Variants in CDKN1B observed in about 807,000 individuals in gnomAD.
CDKN1B encodes the protein cyclin-dependent kinase inhibitor 1B.
CDKN1B carries 7 observed loss-of-function variants against 17.1 expected under a neutral mutation model. That is an observed-to-expected ratio of 0.41 (90% CI 0.23 to 0.77). CDKN1B has a LOEUF of 0.77. Among genes scored for constraint, CDKN1B ranks in the 30% least tolerant of loss-of-function variants. The pLI, the probability that CDKN1B is intolerant of heterozygous loss-of-function variation, is 0.33. For missense variants in CDKN1B, 337 were observed against 262.0 expected (o/e 1.29, Z -1.98); for synonymous variants, 149 against 104.3 (o/e 1.43, Z -2.61).
At chr12:12,719,049 T>A (rs374454092) in intron 2 of CDKN1B, 95 bp downstream of exon 2, 1 of 1,529,406 alleles carries the variant, frequency 6.5e-7, no homozygotes, top group Non-Finnish European at 9.0e-7. Flanking sequence ...TAAAAGCTTA[T>A]GGGGTTTTGT....
In CDKN1B at chr12:12,722,168, A is replaced by C. The variant is rs2136359695; in HGVS notation, c.*1141A>C. ...TGTTAAAAGATTTTTTTTAATCTAG[A>C]CAATATACAAGCCAAAGTGGCATGT... On this transcript the variant is annotated 3_prime_UTR_variant, in exon 3 of 3. Transcript: ENST00000228872. The C allele has an allele frequency of 6.5e-6, 1 of 152,772 alleles. No homozygotes were observed. The highest frequency in any genetic ancestry group is 2.4e-5 in the African/African-American group (1 of 41,586). 9.5% of individuals were successfully genotyped at this position (152,772 alleles called of 1,614,324 possible). A position where few individuals can be genotyped will look rare whatever the true frequency, so the allele number is the denominator to read the frequency against.
Position 12,717,575 on chromosome 12 carries a change from G to T in CDKN1B, c.-265G>T. Reference sequence around the variant, plus strand: ...TCGGACGGGCTTTGCCACCCTCTCCGCTTGCCTGGTCCCCTCTCCTCTCCG... The same window carrying T: ...TCGGACGGGCTTTGCCACCCTCTCCTCTTGCCTGGTCCCCTCTCCTCTCCG... On this transcript the variant is annotated 5_prime_UTR_variant, in exon 1 of 3. Coordinates refer to ENST00000228872, the MANE Select transcript of CDKN1B (RefSeq NM_004064.5). 7.0e-7 allele frequency: 1 copy of T among 1,419,064 alleles called. No homozygotes were observed. Among genetic ancestry groups the T allele is most frequent in the Non-Finnish European group, 9.2e-7 (1 of 1,090,284 alleles). 87.9% of individuals were successfully genotyped at this position (1,419,064 alleles called of 1,614,324 possible). A position where few individuals can be genotyped will look rare whatever the true frequency, so the allele number is the denominator to read the frequency against.
intron 2 of CDKN1B, among the ~76,000 whole-genome samples, chr12:12,720,230 G>A (rs1946528814): frequency 1.3e-5 from 2 of 152,184 alleles, no homozygotes; most frequent in African/African-American, 4.8e-5. Context: ...TAGCTCATCA[G>A]ATGAGCCACG....
Position 12,717,442 on chromosome 12 carries a change from T to G in CDKN1B, c.-398T>G. 6 of 1,258,204 alleles carry G rather than the reference T, an allele frequency of 4.8e-6. No individual in the cohort carries two copies. The highest frequency in any genetic ancestry group is 6.0e-6 in the Non-Finnish European group (6 of 995,728). The allele number at this position is 1,258,204 out of a possible 1,614,324, so 77.9% of individuals were successfully genotyped here. A position where few individuals can be genotyped will look rare whatever the true frequency, so the allele number is the denominator to read the frequency against. On this transcript the variant is annotated 5_prime_UTR_variant, in exon 1 of 3. Transcript: ENST00000228872. ...GGGGCTCGTCTTTTCGGGGTGTTTT[T>G]CTCCCCCTCCCCTGTCCCCGCTTGC...
At position 12,717,750 on chromosome 12, in the gene CDKN1B, G is replaced by GA. The variant is rs1340199471; in HGVS notation, c.-90_-89insA. ...GAGGGCAGTCGCTGGGCTTCCGAGA[G>GA]GGGTTCGGGCTGCGTAGGGGCGCTT... On this transcript the variant is annotated 5_prime_UTR_variant, in exon 1 of 3. Transcript: ENST00000228872. 6.3e-7 allele frequency: 1 copy of GA among 1,596,246 alleles called. No homozygotes were observed. The highest frequency in any genetic ancestry group is 8.5e-7 in the Non-Finnish European group (1 of 1,178,032).
In CDKN1B at chr12:12,718,298, G is replaced by A. The variant is rs766153167; in HGVS notation, c.459G>A (p.Lys153=). 1.1e-5 allele frequency: 18 copies of A among 1,603,414 alleles called. No homozygotes were observed. The highest frequency in any genetic ancestry group is 1.4e-5 in the Non-Finnish European group (17 of 1,179,922). The part of the protein sequence containing the change: ...GLAEQCAGIR[K]RPATDDSSTQ... ...CGGAGCAATGCGCAGGAATAAGGAA[G>A]CGACCTGCAACCGACGGTAATGACC... Residue 153 remains lysine, a synonymous_variant, in exon 1 of 3, where the codon AAG becomes AAA. Coordinates refer to ENST00000228872, the MANE Select transcript of CDKN1B (RefSeq NM_004064.5).
In CDKN1B at chr12:12,721,046, A is replaced by T. The variant is rs760518513; in HGVS notation, c.*19A>T. ...TGTTTTCTTTTGCAGAATTAAGAAT[A>T]TGTTTCCTTGTTTATCAGATACATC... On this transcript the variant is annotated 3_prime_UTR_variant, in exon 3 of 3. Transcript: ENST00000228872. The T allele has an allele frequency of 2.5e-5, 18 of 720,170 alleles. 1 individual carries two copies. In the African/African-American group the frequency reaches 3.0e-4, roughly 12 times the overall value. The allele number at this position is 720,170 out of a possible 1,614,324, so 44.6% of individuals were successfully genotyped here.
In CDKN1B at chr12:12,717,986, C is replaced by T. The variant is rs747742623; in HGVS notation, c.147C>T (p.Cys49=). 5 of 1,614,038 alleles carry T rather than the reference C, an allele frequency of 3.1e-6. No individual in the cohort carries two copies. The East Asian group carries it at 1.1e-4, about 36-fold the overall frequency. The stretch of plus-strand genomic sequence containing the variant: ...TAACCCGGGACTTGGAGAAGCACTG[C>T]AGAGACATGGAAGAGGCGAGCCAGC... The part of the protein sequence containing the change: ...EELTRDLEKH[C]RDMEEASQRK... Residue 49 remains cysteine, a synonymous_variant, in exon 1 of 3, where the codon TGC becomes TGT. Coordinates refer to ENST00000228872, the MANE Select transcript of CDKN1B (RefSeq NM_004064.5).
chr12:12,719,624 A>C (rs1469643922), intron 2 of CDKN1B: 1 of 152,844 alleles, frequency 6.5e-6, no homozygotes, highest in African/African-American at 2.4e-5. Context: ...GTTGCAAAGC[A>C]GAAGTTAAAT....
chr12:12,719,272 A>G, intron 2 of CDKN1B: 1 of 346,512 alleles, frequency 2.9e-6, no homozygotes, highest in Non-Finnish European at 5.5e-6. Context: ...CCATCCGAAC[A>G]AGAACTAGGG....
intron 1 of CDKN1B, among the ~76,000 whole-genome samples, chr12:12,718,602 C>T (rs1946506422): frequency 6.6e-6 from 1 of 152,110 alleles, no homozygotes; most frequent in African/African-American, 2.4e-5. Flanking sequence ...ATCAACGGTC[C>T]GCCTCCTGGC....
At chr12:12,719,556 C>A (rs1443840006) in intron 2 of CDKN1B, 1 of 150,726 alleles carries the variant, frequency 6.6e-6, no homozygotes, top group East Asian at 2.0e-4. Context: ...TTTGCAAAAA[C>A]CAAATGGAAA....
chr12:12,720,677 T>C (rs973883940), intron 2 of CDKN1B, among the ~76,000 whole-genome samples: 3 of 152,204 alleles, frequency 2.0e-5, no homozygotes, highest in African/African-American at 7.2e-5. Flanking sequence ...GAGGCTGTCC[T>C]GTGTGTTTTA....
rs766511772 is a variant in CDKN1B at position 12,721,187 on chromosome 12, AT to A, written c.*164del. The A allele has an allele frequency of 7.8e-6, 6 of 770,746 alleles. No individual in the cohort carries two copies. In the South Asian group the frequency reaches 8.3e-5, roughly 11 times the overall value. 47.7% of individuals were successfully genotyped at this position (770,746 alleles called of 1,614,324 possible). On this transcript the variant is annotated 3_prime_UTR_variant, in exon 3 of 3. Transcript: ENST00000228872. ...AAAACAACAACACAATAACACTAAA[AT>A]TTTAGGCACTCTTAAATGATCTGCC...
At position 12,720,746 on chromosome 12, in the gene CDKN1B, C is replaced by T. The variant is rs529349647; in HGVS notation, c.*9-290C>T. 5.9e-5 allele frequency among the ~76,000 whole-genome samples: 9 copies of T among 152,270 alleles called. No individual in the cohort carries two copies. The East Asian group carries it at 1.7e-3, about 29-fold the overall frequency. On this transcript the variant is annotated intron_variant, in intron 2 of 2. Coordinates refer to ENST00000228872, the MANE Select transcript of CDKN1B (RefSeq NM_004064.5). ...AGATGCCAGCAGTATCCTCCTCCCC[C>T]AGTGTGACAACCTAAAATGTCTCCA...
rs749978498 is a variant in CDKN1B at position 12,718,219 on chromosome 12, A to T, written c.380A>T (p.Asp127Val). ...ATTGGGGCTCCGGCTAACTCTGAGG[A>T]CACGCATTTGGTGGACCCAAAGACT... ...PLIGAPANSE[D>V]THLVDPKTDP... The change falls in exon 1 of 3, where the codon GAC becomes GTC. Residue 127 changes from aspartate (D) to valine (V), a missense_variant. Coordinates refer to ENST00000228872, the MANE Select transcript of CDKN1B (RefSeq NM_004064.5). 6.2e-7 allele frequency: 1 copy of T among 1,612,976 alleles called. No homozygotes were observed. The highest frequency in any genetic ancestry group is 1.1e-5 in the South Asian group (1 of 91,080).
rs758613901 is a variant in CDKN1B, at chr12:12,717,839, GATGTCAAACGTGCGA to G, written c.1_15del (p.MetSerAsnValArg1_?5). 1.9e-6 allele frequency: 3 copies of G among 1,612,662 alleles called. No individual in the cohort carries two copies. In the Admixed American group the frequency reaches 5.0e-5, roughly 27 times the overall value. On this transcript the variant is annotated start_lost and inframe_deletion, in exon 1 of 3. Coordinates refer to ENST00000228872, the MANE Select transcript of CDKN1B (RefSeq NM_004064.5). ...GGCGGTCGTGCAGACCCGGGAGAAA[GATGTCAAACGTGCGA>G]GTGTCTAACGGGAGCCCTAGCCTGG...
chr12:12,720,325 A>G (rs1722265523), intron 2 of CDKN1B, among the ~76,000 whole-genome samples: 2 of 152,214 alleles, frequency 1.3e-5, no homozygotes, highest in South Asian at 4.1e-4. Context: ...TAGTTCAAAG[A>G]ATACTAGAAA....
intron 2 of CDKN1B, 177 bp downstream of exon 2, chr12:12,719,131 T>C: frequency 1.4e-6 from 1 of 707,674 alleles, no homozygotes; most frequent in Non-Finnish European, 2.3e-6. Context: ...CCTCAGAGTT[T>C]CTATGCCCAG....
Sources: allele counts gnomAD v4.1 joint callset (sites outside exome capture counted in the v4.1 genomes callset), GRCh38; gene constraint gnomAD v4.1.1; transcripts MANE v1.5; gene names NCBI Gene and HGNC (gene_info 2026-07-23, HGNC 2026-07-21).